Variants in SRPK2 observed in about 807,000 individuals in gnomAD.
The protein encoded by SRPK2 is SFRS protein kinase 2.
Under a neutral mutation model 90.8 loss-of-function variants are expected in SRPK2, and 21 were observed. That is an observed-to-expected ratio of 0.23 (90% CI 0.16 to 0.33). The LOEUF (loss-of-function observed/expected upper bound fraction) is 0.33, where lower values mean the gene tolerates loss of function less well. Among genes scored for constraint, SRPK2 ranks in the 10% least tolerant of loss-of-function variants. SRPK2 has a pLI of 1.00. For synonymous variants in SRPK2, 288 were observed against 311.1 expected, an observed-to-expected ratio of 0.93 and a Z score of 0.78; for missense variants, 620 against 869.0, an observed-to-expected ratio of 0.71 and a Z score of 3.60.
intron 13 of SRPK2, among the ~76,000 whole-genome samples, chr7:105,127,644 A>G (rs915122411): frequency 6.6e-6 from 1 of 152,248 alleles, no homozygotes; most frequent in African/African-American, 2.4e-5. Flanking sequence ...ATGGTCTTGC[A>G]GACCCTTTTG....
chr7:105,121,852 T>C (rs1562951301), intron 15 of SRPK2, among the ~76,000 whole-genome samples: 2 of 152,178 alleles, frequency 1.3e-5, no homozygotes, highest in Non-Finnish European at 2.9e-5. Flanking sequence ...ATCCATGAAA[T>C]TGTCATATTC....
chr7:105,374,205 G>A (rs971933515), intron 2 of SRPK2, among the ~76,000 whole-genome samples: 1 of 151,934 alleles, frequency 6.6e-6, no homozygotes, highest in Non-Finnish European at 1.5e-5. Context: ...GGGATTACAG[G>A]CATGAGCCAC....
chr7:105,209,374 T>C (rs1796586085), intron 2 of SRPK2, among the ~76,000 whole-genome samples: 1 of 151,972 alleles, frequency 6.6e-6, no homozygotes, highest in East Asian at 1.9e-4. Context: ...AACCTGGCAA[T>C]ACCCACAAAA....
intron 1 of SRPK2, among the ~76,000 whole-genome samples, chr7:105,397,688 G>T (rs965679600): frequency 6.6e-6 from 1 of 151,632 alleles, no homozygotes; most frequent in African/African-American, 2.4e-5. Context: ...CTATCACCCA[G>T]GCTGGAGTAC....
intron 2 of SRPK2, among the ~76,000 whole-genome samples, chr7:105,268,401 A>G (rs1481969989): frequency 1.3e-5 from 2 of 152,240 alleles, no homozygotes; most frequent in Non-Finnish European, 2.9e-5. Flanking sequence ...AGTATTTTTA[A>G]CCTACATTTT....
At chr7:105,266,590 A>AGC (rs1805113319) in intron 2 of SRPK2, among the ~76,000 whole-genome samples, 1 of 152,170 alleles carries the variant, frequency 6.6e-6, no homozygotes, top group Non-Finnish European at 1.5e-5. Flanking sequence ...CACTGACTAT[A>AGC]TGCAAATTCC....
chr7:105,115,843 T>C (rs1360078289), downstream of SRPK2, among the ~76,000 whole-genome samples: 3 of 152,140 alleles, frequency 2.0e-5, no homozygotes, highest in Non-Finnish European at 2.9e-5. Context: ...AGGGAAGATA[T>C]AAATTATGCC....
At chr7:105,260,115 G>A (rs1261047653) in intron 2 of SRPK2, among the ~76,000 whole-genome samples, 1 of 152,006 alleles carries the variant, frequency 6.6e-6, no homozygotes, top group Non-Finnish European at 1.5e-5. Flanking sequence ...CAGAATGGGA[G>A]AAAATTTTTA....
chr7:105,323,963 T>TG (rs1813226762), intron 2 of SRPK2, among the ~76,000 whole-genome samples: 1 of 128,320 alleles, frequency 7.8e-6, no homozygotes, highest in Non-Finnish European at 1.6e-5. Context: ...GGTCAGACTA[T>TG]TCTTTGTGTG....
intron 2 of SRPK2, among the ~76,000 whole-genome samples, chr7:105,266,260 C>CG (rs1805058029): frequency 3.6e-5 from 2 of 56,328 alleles, no homozygotes; most frequent in Non-Finnish European, 6.5e-5. Flanking sequence ...TTTTGCTTTT[C>CG]CCATTTTATA....
intron 2 of SRPK2, chr7:105,306,706 A>ATTT (rs1811185988): frequency 3.0e-6 from 1 of 334,776 alleles, no homozygotes; most frequent in South Asian, 2.4e-5. Context: ...TCTGCAATCC[A>ATTT]TTTTAATGCT....
chr7:105,289,794 T>G (rs1176620312), intron 2 of SRPK2, among the ~76,000 whole-genome samples: 1 of 152,228 alleles, frequency 6.6e-6, no homozygotes, highest in Non-Finnish European at 1.5e-5. Context: ...GAGGTCTAGC[T>G]TTCCTCCTTC....
At chr7:105,177,668 A>T (rs977363781) in intron 3 of SRPK2, among the ~76,000 whole-genome samples, 16 of 152,308 alleles carry the variant, frequency 1.1e-4, no homozygotes, top group Admixed American at 6.5e-5. Flanking sequence ...TTCATAGGTT[A>T]TCACTGTGCT....
chr7:105,273,340 A>T (rs936534795), intron 2 of SRPK2, among the ~76,000 whole-genome samples: 1 of 152,030 alleles, frequency 6.6e-6, no homozygotes, highest in East Asian at 1.9e-4. Flanking sequence ...CACGCCACTA[A>T]ATCTTTTCGT....
At chr7:105,202,938 A>G (rs1795737589) in intron 3 of SRPK2, among the ~76,000 whole-genome samples, 1 of 152,188 alleles carries the variant, frequency 6.6e-6, no homozygotes, top group African/African-American at 2.4e-5. Context: ...TCCCCTCAGG[A>G]GCCTGGTACA....
chr7:105,395,384 G>T (rs913992331), intron 1 of SRPK2, among the ~76,000 whole-genome samples: 1 of 151,638 alleles, frequency 6.6e-6, no homozygotes, highest in Non-Finnish European at 1.5e-5. Context: ...TCAACAATCT[G>T]TTGGGAGTAT....
chr7:105,298,634 A>G (rs1431594959), intron 2 of SRPK2: 1 of 779,670 alleles, frequency 1.3e-6, no homozygotes, highest in South Asian at 5.8e-5. Flanking sequence ...AAAGCAAACA[A>G]AAGTATCAAA....
intron 13 of SRPK2, among the ~76,000 whole-genome samples, chr7:105,128,655 G>A (rs1337017671): frequency 2.0e-5 from 3 of 152,222 alleles, no homozygotes. Flanking sequence ...TTCAACCCCT[G>A]CCTTGAGCCC....
chr7:105,168,385 T>C (rs1294066380), intron 4 of SRPK2, among the ~76,000 whole-genome samples: 1 of 152,218 alleles, frequency 6.6e-6, no homozygotes, highest in African/African-American at 2.4e-5. Context: ...ATTTTGTGTT[T>C]AGATCTGGGT....
Sources: allele counts gnomAD v4.1 joint callset (sites outside exome capture counted in the v4.1 genomes callset), GRCh38; gene constraint gnomAD v4.1.1; transcripts MANE v1.5; gene names NCBI Gene and HGNC (gene_info 2026-07-23, HGNC 2026-07-21).